The following LHPP variants were observed in gnomAD, a reference collection of about 807,000 sequenced individuals.
The protein encoded by LHPP is phospholysine phosphohistidine inorganic pyrophosphate phosphatase, also known as hLHPP.
In LHPP, 24 loss-of-function variants were observed where a neutral mutation model predicts 30.3. The observed-to-expected ratio is 0.79, with a 90% CI of 0.57 to 1.11. The LOEUF (loss-of-function observed/expected upper bound fraction) is 1.11, where lower values mean the gene tolerates loss of function less well. Ranked by LOEUF, LHPP falls within the 50% of genes most tolerant of loss-of-function variation. LHPP has a pLI of 0.00. For synonymous variants in LHPP, 150 were observed against 157.1 expected, an observed-to-expected ratio of 0.95 and a Z score of 0.34; for missense variants, 356 against 367.2, an observed-to-expected ratio of 0.97 and a Z score of 0.25.
chr10:124,527,397 G>C (rs983400479), intron 6 of LHPP, among the ~76,000 whole-genome samples: 1 of 152,252 alleles, frequency 6.6e-6, no homozygotes, highest in Non-Finnish European at 1.5e-5. Context: ...TCTTGCAGCA[G>C]TGGTTTTATT....
chr10:124,611,493 CAAGG>C (rs1246786410), intron 6 of LHPP, among the ~76,000 whole-genome samples: 2 of 151,786 alleles, frequency 1.3e-5, no homozygotes, highest in Non-Finnish European at 2.9e-5. Context: ...AGCAGGTGGG[CAAGG>C]AAGTGGGGGC....
In LHPP at chr10:124,478,894, C is replaced by G. The variant is rs1458653061; in HGVS notation, c.126-5245C>G. On this transcript the variant is annotated intron_variant, in intron 1 of 6. Coordinates refer to ENST00000368842, the MANE Select transcript of LHPP (RefSeq NM_022126.4). This position sits in a 1 kb window ranked among gnomAD's most constrained non-coding sequence, Gnocchi z 4.7. The stretch of plus-strand genomic sequence containing the variant: ...GACCAGCCTGGGCAACATGGTGAGA[C>G]CCCGTCTCTACTAAAAATATAAAAA... Among the ~76,000 whole-genome samples, 1 of 152,056 alleles carries G rather than the reference C, an allele frequency of 6.6e-6. No homozygotes were observed. Among genetic ancestry groups the G allele is most frequent in the East Asian group, 1.9e-4 (1 of 5,182 alleles).
chr10:124,538,495 C>G (rs1306390579), intron 6 of LHPP, among the ~76,000 whole-genome samples: 1 of 152,210 alleles, frequency 6.6e-6, no homozygotes. Context: ...CACCTTGTGC[C>G]TGCCAGAGGG....
intron 6 of LHPP, among the ~76,000 whole-genome samples, chr10:124,528,039 G>A (rs1368616923): frequency 2.9e-5 from 2 of 69,030 alleles, no homozygotes; most frequent in Non-Finnish European, 5.5e-5. Flanking sequence ...AAAGTGCTGG[G>A]ATTACCCGGC....
intron 6 of LHPP, among the ~76,000 whole-genome samples, chr10:124,572,119 CT>C (rs1564836683): frequency 6.6e-6 from 1 of 152,196 alleles, no homozygotes; most frequent in Non-Finnish European, 1.5e-5. Flanking sequence ...CTGCCGAAGG[CT>C]TTGCTTCTCT....
chr10:124,534,196 G>A lies in LHPP; in HGVS notation c.716+16925G>A, dbSNP rs192815774. Among the ~76,000 whole-genome samples, 72 of 152,392 alleles carry A rather than the reference G, an allele frequency of 4.7e-4. 1 individual carries two copies. Among genetic ancestry groups the A allele is most frequent in the African/African-American group, 1.6e-3 (65 of 41,596 alleles). ...ATGGGCCACCCACAATTGCAGAGAAGACGCCCTGCATGTCATAGGCTTGGC... is the reference window on the plus strand; with the variant it reads ...ATGGGCCACCCACAATTGCAGAGAAAACGCCCTGCATGTCATAGGCTTGGC... On this transcript the variant is annotated intron_variant, in intron 6 of 6. Transcript: ENST00000368842.
intron 3 of LHPP, among the ~76,000 whole-genome samples, chr10:124,495,729 T>G (rs1953684418): frequency 6.6e-6 from 1 of 152,214 alleles, no homozygotes; most frequent in Admixed American, 6.5e-5. Flanking sequence ...CTCATCTTAT[T>G]GCTTGTGTCA....
Position 124,516,533 on chromosome 10 carries a change from G to A in LHPP, c.625-647G>A, listed in dbSNP as rs548384334. On this transcript the variant is annotated intron_variant, in intron 5 of 6. Transcript: ENST00000368842. ...AGGAGCCACCTCATTTGTTTCCTGC[G>A]TCTCAGAAGTCATTGTCCTTCGTTG... 9.9e-5 allele frequency among the ~76,000 whole-genome samples: 15 copies of A among 152,268 alleles called. 1 individual carries two copies. Among genetic ancestry groups the A allele is most frequent in the East Asian group, 9.6e-4 (5 of 5,184 alleles).
chr10:124,462,104 G>T (rs1003602317), intron 1 of LHPP, 117 bp downstream of exon 1: 2 of 982,932 alleles, frequency 2.0e-6, no homozygotes, highest in Non-Finnish European at 2.6e-6. Flanking sequence ...CCCCGCCTCG[G>T]TCTCCCCCTT....
chr10:124,606,889 T>C (rs1268650705), intron 6 of LHPP, among the ~76,000 whole-genome samples: 1 of 152,234 alleles, frequency 6.6e-6, no homozygotes, highest in Non-Finnish European at 1.5e-5. Context: ...CCCCTGCCCC[T>C]GTTCCTGTGT....
chr10:124,538,188 C>CA (rs1564817519), intron 6 of LHPP, among the ~76,000 whole-genome samples: 36 of 145,456 alleles, frequency 2.5e-4, no homozygotes, highest in African/African-American at 8.3e-4. Context: ...GGTCACCATG[C>CA]GGGGTCACCA....
chr10:124,499,409 T>A (rs1953837172), intron 5 of LHPP, among the ~76,000 whole-genome samples: 1 of 151,758 alleles, frequency 6.6e-6, no homozygotes, highest in African/African-American at 2.4e-5. Context: ...TTTGGGAGGC[T>A]GAGGCAGGTG....
rs758631879 is a variant in LHPP, at chr10:124,590,301, G to A, written c.717-22963G>A. Among the ~76,000 whole-genome samples the A allele has an allele frequency of 2.0e-5, 3 of 152,194 alleles. No individual in the cohort carries two copies. Among genetic ancestry groups the A allele is most frequent in the Non-Finnish European group, 2.9e-5 (2 of 68,028 alleles). On this transcript the variant is annotated intron_variant, in intron 6 of 6. Coordinates refer to ENST00000368842, the MANE Select transcript of LHPP (RefSeq NM_022126.4). This position sits in a 1 kb window ranked among gnomAD's most constrained non-coding sequence, Gnocchi z 4.3. The stretch of plus-strand genomic sequence containing the variant: ...GCACCCCCACTGCCAGGCTGCTCAG[G>A]AGTGGCTCCCACCCTCGACTGCGGG...
At position 124,596,515 on chromosome 10, in the gene LHPP, CAG is replaced by C. The variant is rs1435730343; in HGVS notation, c.717-16746_717-16745del. Reference sequence around the variant, plus strand: ...GAATCCCTTTTAGGTGGAACACACACAGAGTGGGCCGGCGCTCATAAGCAGTC... The same window carrying C: ...GAATCCCTTTTAGGTGGAACACACACAGTGGGCCGGCGCTCATAAGCAGTC... On this transcript the variant is annotated intron_variant, in intron 6 of 6. Transcript: ENST00000368842. This position sits in a 1 kb window ranked among gnomAD's most constrained non-coding sequence, Gnocchi z 4.6. Among the ~76,000 whole-genome samples the C allele has an allele frequency of 1.3e-5, 2 of 152,170 alleles. No homozygotes were observed. Among genetic ancestry groups the C allele is most frequent in the African/African-American group, 4.8e-5 (2 of 41,440 alleles).
intron 6 of LHPP, among the ~76,000 whole-genome samples, chr10:124,525,451 G>A (rs542137769): frequency 2.6e-5 from 4 of 152,218 alleles, no homozygotes; most frequent in South Asian, 2.1e-4. Flanking sequence ...TCCCCGCCCC[G>A]ACCATCACGA....
intron 1 of LHPP, among the ~76,000 whole-genome samples, chr10:124,464,964 T>C (rs530818065): frequency 4.6e-5 from 7 of 152,032 alleles, no homozygotes; most frequent in African/African-American, 1.7e-4. Context: ...GGGTCTGATG[T>C]GTGGAGGGGA....
chr10:124,568,538 G>A (rs1046320657), intron 6 of LHPP, among the ~76,000 whole-genome samples: 1 of 152,196 alleles, frequency 6.6e-6, no homozygotes, highest in Non-Finnish European at 1.5e-5. Context: ...CGGTGGCGTG[G>A]AGAGGTGTGG....
At chr10:124,598,347 C>T (rs571620758) in intron 6 of LHPP, among the ~76,000 whole-genome samples, 1 of 152,342 alleles carries the variant, frequency 6.6e-6, no homozygotes, top group South Asian at 2.1e-4. Context: ...CAGGCACAGC[C>T]GCTACACAGG....
At chr10:124,599,976 G>T (rs1949000598) in intron 6 of LHPP, among the ~76,000 whole-genome samples, 1 of 152,224 alleles carries the variant, frequency 6.6e-6, no homozygotes, top group South Asian at 2.1e-4. Context: ...CACAGGGCAG[G>T]GATCTCTGAG....
Sources: allele counts gnomAD v4.1 joint callset (sites outside exome capture counted in the v4.1 genomes callset), GRCh38; gene constraint gnomAD v4.1.1; non-coding constraint Gnocchi (gnomAD v3.1); transcripts MANE v1.5; gene names NCBI Gene and HGNC (gene_info 2026-07-23, HGNC 2026-07-21).